The following MEGF6 variants were observed in gnomAD, a reference collection of about 807,000 sequenced individuals.
MEGF6 encodes the protein multiple EGF like domains 6, also known as multiple epidermal growth factor-like domains protein 6.
A neutral mutation model predicts 207.1 loss-of-function variants in MEGF6; 184 were observed. The observed-to-expected ratio is 0.89, with a 90% CI of 0.79 to 1.00. MEGF6 has a LOEUF of 1.00. Among genes scored for constraint, MEGF6 ranks in the 50% least tolerant of loss-of-function variants. The pLI is 0.00. For missense variants in MEGF6, 2,282 were observed against 2,202.9 expected (o/e 1.04, Z -0.72); for synonymous variants, 1,038 against 910.0 (o/e 1.14, Z -2.53).
At chr1:3,609,775 C>T (rs1270624848) in intron 1 of MEGF6, among the ~76,000 whole-genome samples, 1 of 152,348 alleles carries the variant, frequency 6.6e-6, no homozygotes, top group East Asian at 1.9e-4. Context: ...CCTGGAGACC[C>T]CAGCAAGTCT....
At chr1:3,526,370 C>T (rs547780966) in intron 4 of MEGF6, among the ~76,000 whole-genome samples, 113 of 151,572 alleles carry the variant, frequency 7.5e-4, no homozygotes, top group African/African-American at 2.6e-3. Flanking sequence ...CCGCAGTCCA[C>T]GCCTGCTACT....
chr1:3,538,960 C>G (rs1054371993), intron 4 of MEGF6, among the ~76,000 whole-genome samples: 1 of 152,188 alleles, frequency 6.6e-6, no homozygotes, highest in Non-Finnish European at 1.5e-5. Flanking sequence ...TGCCCCAGGT[C>G]TCACACTGTA....
At chr1:3,519,061 C>T (rs912732210) in intron 5 of MEGF6, among the ~76,000 whole-genome samples, 17 of 152,234 alleles carry the variant, frequency 1.1e-4, no homozygotes, top group African/African-American at 4.1e-4. Context: ...TTCAGCATGG[C>T]CACCAGGCGT....
At position 3,499,942 on chromosome 1, in the gene MEGF6, G is replaced by C. The variant is rs201212359; in HGVS notation, c.2708-18C>G. 25 of 1,546,828 alleles carry C rather than the reference G, an allele frequency of 1.6e-5. No homozygotes were observed. Among genetic ancestry groups the C allele is most frequent in the Middle Eastern group, 2.0e-4 (1 of 4,894 alleles). ...GGGACACTCTGAGATATGCAGCCCC[G>C]GCCCACAGTCAGCCAGAGGGCCAGG... On this transcript the variant is annotated intron_variant, in intron 21 of 36. Coordinates refer to ENST00000356575, the MANE Select transcript of MEGF6 (RefSeq NM_001409.4).
chr1:3,601,034 C>A (rs755947841), intron 2 of MEGF6, among the ~76,000 whole-genome samples: 4 of 152,200 alleles, frequency 2.6e-5, no homozygotes, highest in Non-Finnish European at 5.9e-5. Context: ...CCAGTGCCCC[C>A]CCCTCCAAGC....
At chr1:3,574,254 G>C (rs1469557036) in intron 4 of MEGF6, among the ~76,000 whole-genome samples, 1 of 152,024 alleles carries the variant, frequency 6.6e-6, no homozygotes, top group African/African-American at 2.4e-5. Context: ...CCATCTCACC[G>C]AGAGAGGCCG....
intron 3 of MEGF6, among the ~76,000 whole-genome samples, chr1:3,582,838 G>A (rs1013530940): frequency 2.9e-4 from 44 of 152,264 alleles, no homozygotes; most frequent in Admixed American, 1.4e-3. Context: ...ACAGCGCCCC[G>A]CTCTTGCCCC....
At position 3,509,892 on chromosome 1, in the gene MEGF6, G is replaced by A. The variant is rs754010527; in HGVS notation, c.1335C>T (p.His445=). 1.5e-5 allele frequency: 23 copies of A among 1,559,598 alleles called. No homozygotes were observed. Among genetic ancestry groups the A allele is most frequent in the Non-Finnish European group, 1.7e-5 (20 of 1,154,746 alleles). Residue 445 remains histidine, a synonymous_variant, in exon 11 of 37, where the codon CAC becomes CAT. Coordinates refer to ENST00000356575, the MANE Select transcript of MEGF6 (RefSeq NM_001409.4). ...CACGGCTGCAGCCCCTACGGTCCTC[G>A]TGCAGCCGGTAGCCGGCCTCGCAGG... ...QCSCEAGYRL[H]EDRRGCSPLE...
At chr1:3,606,590 A>G (rs1177581624) in intron 1 of MEGF6, among the ~76,000 whole-genome samples, 2 of 152,222 alleles carry the variant, frequency 1.3e-5, no homozygotes, top group Non-Finnish European at 2.9e-5. Flanking sequence ...GACAGCCCTC[A>G]GGAGGTGTGA....
intron 3 of MEGF6, among the ~76,000 whole-genome samples, chr1:3,580,145 C>G (rs1486744891): frequency 6.6e-6 from 1 of 152,114 alleles, no homozygotes. Context: ...TTAGGCGGAA[C>G]CCCTCTGGAG....
intron 5 of MEGF6, among the ~76,000 whole-genome samples, chr1:3,517,766 G>C (rs1307565832): frequency 6.6e-6 from 1 of 152,218 alleles, no homozygotes; most frequent in Non-Finnish European, 1.5e-5. Flanking sequence ...CATCAGACGT[G>C]GACTGGGGAT....
intron 4 of MEGF6, among the ~76,000 whole-genome samples, chr1:3,563,963 C>T (rs1331933327): frequency 6.6e-6 from 1 of 152,210 alleles, no homozygotes. Context: ...AGGCCAGCCC[C>T]TCCTGGGCAT....
intron 4 of MEGF6, among the ~76,000 whole-genome samples, chr1:3,534,922 C>T (rs1288546304): frequency 1.3e-5 from 2 of 152,164 alleles, no homozygotes; most frequent in African/African-American, 4.8e-5. Flanking sequence ...TTCCATTCAT[C>T]TGGACTCCAA....
intron 6 of MEGF6, 123 bp downstream of exon 6, chr1:3,515,279 C>T (rs961457854): frequency 2.5e-6 from 3 of 1,206,256 alleles, no homozygotes; most frequent in Non-Finnish European, 3.4e-6. Context: ...ATGTGCCATC[C>T]CTACCAGGCC....
chr1:3,544,407 G>A (rs1041799450), intron 4 of MEGF6, among the ~76,000 whole-genome samples: 6 of 149,788 alleles, frequency 4.0e-5, no homozygotes, highest in African/African-American at 7.7e-5. Flanking sequence ...TCTCAACCCC[G>A]GAGCACAGCC....
chr1:3,535,890 G>A (rs1049711254), intron 4 of MEGF6, among the ~76,000 whole-genome samples: 17 of 152,310 alleles, frequency 1.1e-4, no homozygotes, highest in East Asian at 5.8e-4. Flanking sequence ...ACCCACAGGC[G>A]CCCCTCTGGT....
chr1:3,498,578 G>T (rs908137591), intron 25 of MEGF6, 79 bp from the exon 26 acceptor site: 1 of 1,489,764 alleles, frequency 6.7e-7, no homozygotes, highest in Non-Finnish European at 9.0e-7. Flanking sequence ...CTTCCTGCAC[G>T]CAGAGCTGAA....
Position 3,594,178 on chromosome 1 carries a change from C to G in MEGF6, c.376+1160G>C, listed in dbSNP as rs1483669733. Among the ~76,000 whole-genome samples the G allele has an allele frequency of 6.6e-6, 1 of 152,230 alleles. No homozygotes were observed. Among genetic ancestry groups the G allele is most frequent in the East Asian group, 1.9e-4 (1 of 5,196 alleles). On this transcript the variant is annotated intron_variant, in intron 3 of 36. Transcript: ENST00000356575. This position sits in a 1 kb window ranked among gnomAD's most constrained non-coding sequence, Gnocchi z 4.2. ...ACATGGTGGCTCACACCTGTAATCC[C>G]AGCACTTTGGAAGGCCGAGGTGGAA...
intron 5 of MEGF6, among the ~76,000 whole-genome samples, chr1:3,521,102 G>A (rs569214215): frequency 7.9e-4 from 121 of 152,274 alleles, no homozygotes; most frequent in African/African-American, 2.8e-3. Context: ...AGCCCCAGGC[G>A]GGGTCACGAC....
Sources: gnomAD v4.1 joint callset for allele counts (sites outside exome capture counted in the v4.1 genomes callset) on GRCh38, gnomAD v4.1.1 for gene constraint, Gnocchi (gnomAD v3.1) non-coding constraint, MANE v1.5 for transcripts, NCBI Gene and HGNC (gene_info 2026-07-23, HGNC 2026-07-21) for gene names.